The following RADIL variants were observed in gnomAD, a reference collection of about 807,000 sequenced individuals.
The protein encoded by RADIL is Rap associating with DIL domain, also known as ras-associating and dilute domain-containing protein.
A neutral mutation model predicts 97.6 loss-of-function variants in RADIL; 99 were observed. That is an observed-to-expected ratio of 1.01 (90% CI 0.86 to 1.20). The LOEUF (loss-of-function observed/expected upper bound fraction) is 1.20, where lower values mean the gene tolerates loss of function less well. Among genes scored for constraint, RADIL ranks in the 50% most tolerant of loss-of-function variants. RADIL has a pLI of 0.00. For synonymous variants in RADIL, 803 were observed against 691.8 expected (o/e 1.16, Z -2.52); for missense variants, 1,765 against 1,498.9 (o/e 1.18, Z -2.93).
Position 4,835,228 on chromosome 7 carries a change from C to T in RADIL, c.795G>A (p.Val265=), listed in dbSNP as rs1435598877. The change falls in exon 4 of 15, where the codon GTG becomes GTA. Residue 265 remains valine, a synonymous_variant. Transcript: ENST00000399583. This position sits in a 1 kb window ranked among gnomAD's most constrained non-coding sequence, Gnocchi z 5.8. ...TGTGCCGGTCCCGGTTGAGCACATA[C>T]ACCAGGCTGTCCTGAAACAGAGACT... The part of the protein sequence containing the change: ...QGYSQQHDSL[V]YVLNRDRHTV... The T allele has an allele frequency of 6.2e-7, 1 of 1,610,058 alleles. No homozygotes were observed. Among genetic ancestry groups the T allele is most frequent in the Non-Finnish European group, 8.5e-7 (1 of 1,179,878 alleles).
At chr7:4,801,550 G>A (rs1443234293) in intron 12 of RADIL, 103 bp downstream of exon 12, 14 of 1,297,284 alleles carry the variant, frequency 1.1e-5, no homozygotes, top group Non-Finnish European at 1.5e-5. Context: ...GGGCAGGTAA[G>A]GAAACCTAGG....
Position 4,883,192 on chromosome 7 carries a change from C to T in RADIL, c.-65+404G>A, listed in dbSNP as rs1329322905. Among the ~76,000 whole-genome samples the T allele has an allele frequency of 6.6e-6, 1 of 152,114 alleles. No individual in the cohort carries two copies. Among genetic ancestry groups the T allele is most frequent in the Non-Finnish European group, 1.5e-5 (1 of 68,002 alleles). ...CCCCGCTCCCCCGCTGCGCCCCGCT[C>T]CCCCGCTGCGCGCCCCGGACGAAGC... On this transcript the variant is annotated intron_variant, in intron 1 of 14. Transcript: ENST00000399583. This position sits in a 1 kb window ranked among gnomAD's most constrained non-coding sequence, Gnocchi z 7.1.
rs903187128 is a variant in RADIL at position 4,842,731 on chromosome 7, G to A, written c.536-6126C>T. Reference sequence around the variant, plus strand: ...ATAATGATATATACAACTTGGAACCGTTTCTGTCACCCATCCCCACTCGCA... The same window carrying A: ...ATAATGATATATACAACTTGGAACCATTTCTGTCACCCATCCCCACTCGCA... On this transcript the variant is annotated intron_variant, in intron 2 of 14. Coordinates refer to ENST00000399583, the MANE Select transcript of RADIL (RefSeq NM_018059.5). This position sits in a 1 kb window ranked among gnomAD's most constrained non-coding sequence, Gnocchi z 4.5. 1.1e-4 allele frequency among the ~76,000 whole-genome samples: 17 copies of A among 152,114 alleles called. No homozygotes were observed. The highest frequency in any genetic ancestry group is 2.2e-4 in the African/African-American group (9 of 41,410).
chr7:4,875,170 C>T (rs111574013), intron 2 of RADIL, among the ~76,000 whole-genome samples: 5,123 of 130,878 alleles, frequency 0.039, 329 homozygotes, highest in African/African-American at 0.1. Context: ...CCAGCCTGGG[C>T]GACAGAGCGA....
rs1339045802 is a variant in RADIL at position 4,814,568 on chromosome 7, G to C, written c.2139+710C>G. Among the ~76,000 whole-genome samples the C allele has an allele frequency of 1.3e-5, 2 of 152,216 alleles. No individual in the cohort carries two copies. Among genetic ancestry groups the C allele is most frequent in the South Asian group, 4.1e-4 (2 of 4,822 alleles). On this transcript the variant is annotated intron_variant, in intron 9 of 14. Coordinates refer to ENST00000399583, the MANE Select transcript of RADIL (RefSeq NM_018059.5). The surrounding 1 kb of genome is among the most constrained non-coding windows in gnomAD (Gnocchi z 4.5). Reference sequence around the variant, plus strand: ...TGGTGAGTGGCTGACTGTGTTGGGAGGGGGGTGGTGAGCAGCGAGGGAAGC... The same window carrying C: ...TGGTGAGTGGCTGACTGTGTTGGGACGGGGGTGGTGAGCAGCGAGGGAAGC...
chr7:4,832,243 A>C, intron 4 of RADIL, 65 bp from the exon 5 acceptor site: 1 of 1,479,128 alleles, frequency 6.8e-7, no homozygotes, highest in Non-Finnish European at 9.2e-7. Flanking sequence ...ACGCGTTCAA[A>C]TACACGATAC....
chr7:4,866,397 C>T (rs1027490621), intron 2 of RADIL, among the ~76,000 whole-genome samples: 7 of 152,096 alleles, frequency 4.6e-5, no homozygotes, highest in East Asian at 1.9e-4. Flanking sequence ...ACATATCCAG[C>T]GCCTAATCAA....
intron 5 of RADIL, among the ~76,000 whole-genome samples, chr7:4,825,736 C>T (rs977524199): frequency 1.3e-5 from 2 of 151,758 alleles, no homozygotes; most frequent in African/African-American, 4.8e-5. Context: ...ATTAGCTGGG[C>T]GTGGTGGCAT....
At chr7:4,802,727 G>T (rs1482848016) in intron 11 of RADIL, among the ~76,000 whole-genome samples, 2 of 110,098 alleles carry the variant, frequency 1.8e-5, no homozygotes, top group Non-Finnish European at 1.9e-5. Flanking sequence ...GCACCTCGGG[G>T]CACGCTGGCT....
chr7:4,834,590 C>G lies in RADIL; in HGVS notation c.1416+17G>C. 1 of 1,317,842 alleles carries G rather than the reference C, an allele frequency of 7.6e-7. No homozygotes were observed. Among genetic ancestry groups the G allele is most frequent in the Non-Finnish European group, 9.7e-7 (1 of 1,027,140 alleles). 81.6% of individuals were successfully genotyped at this position (1,317,842 alleles called of 1,614,324 possible). ...AGACCGGCACAGGACCCAGACCGCC[C>G]ACCCCAGCACACTGACCCAGACAGT... On this transcript the variant is annotated intron_variant, in intron 4 of 14. Transcript: ENST00000399583. This position sits in a 1 kb window ranked among gnomAD's most constrained non-coding sequence, Gnocchi z 6.0.
chr7:4,862,897 C>CAA (rs11404610), intron 2 of RADIL, among the ~76,000 whole-genome samples: 34 of 144,752 alleles, frequency 2.3e-4, no homozygotes, highest in South Asian at 6.6e-4. Flanking sequence ...AACTCTGTCT[C>CAA]AAAAAAAAAA....
intron 2 of RADIL, among the ~76,000 whole-genome samples, chr7:4,874,124 G>A (rs1400844658): frequency 6.6e-6 from 1 of 152,234 alleles, no homozygotes; most frequent in Admixed American, 6.5e-5. Context: ...GATGTGCACA[G>A]AGGCCGCCTC....
chr7:4,815,170 C>T lies in RADIL; in HGVS notation c.2139+108G>A, dbSNP rs1782644903. ...TTACCTACGGTAGCTTTGAGGTTTCCAGCCAAGAAGCCCCGTCCCGGCCCC... is the reference window on the plus strand; with the variant it reads ...TTACCTACGGTAGCTTTGAGGTTTCTAGCCAAGAAGCCCCGTCCCGGCCCC... On this transcript the variant is annotated intron_variant, in intron 9 of 14. Coordinates refer to ENST00000399583, the MANE Select transcript of RADIL (RefSeq NM_018059.5). The surrounding 1 kb of genome is among the most constrained non-coding windows in gnomAD (Gnocchi z 8.0). 8 of 1,336,864 alleles carry T rather than the reference C, an allele frequency of 6.0e-6. No individual in the cohort carries two copies. The highest frequency in any genetic ancestry group is 7.9e-6 in the Non-Finnish European group (8 of 1,010,172). The allele number at this position is 1,336,864 out of a possible 1,614,324, so 82.8% of individuals were successfully genotyped here.
rs368969739 is a variant in RADIL at position 4,877,999 on chromosome 7, G to T, written c.141C>A (p.Gly47=). The change falls in exon 2 of 15, where the codon GGC becomes GGA. Residue 47 remains glycine (G), a synonymous_variant. Coordinates refer to ENST00000399583, the MANE Select transcript of RADIL (RefSeq NM_018059.5). The part of the protein sequence containing the change: ...RDLDSTFSSL[G]ASDDPAELST... ...AGAGCTCGGCGGGGTCATCGCTGGC[G>T]CCCAGGCTGGAGAAGGTGGAGTCCA... 3.0e-5 allele frequency: 49 copies of T among 1,610,068 alleles called. No homozygotes were observed. The highest frequency in any genetic ancestry group is 4.0e-5 in the Non-Finnish European group (47 of 1,179,138).
chr7:4,861,384 C>T lies in RADIL; in HGVS notation c.535+16221G>A, dbSNP rs1437173907. On this transcript the variant is annotated intron_variant, in intron 2 of 14. Transcript: ENST00000399583. ...TCGACAGCCCTTAAATCTTTCACTT[C>T]CTCCTGTAGTTTCAGTTTAGCATAG... 3 of 1,614,104 alleles carry T rather than the reference C, an allele frequency of 1.9e-6. No homozygotes were observed. In the African/African-American group the frequency reaches 4.0e-5, roughly 22 times the overall value.
At chr7:4,806,202 T>A (rs1463796490) in intron 9 of RADIL, among the ~76,000 whole-genome samples, 1 of 152,224 alleles carries the variant, frequency 6.6e-6, no homozygotes, top group Non-Finnish European at 1.5e-5. Context: ...CAGGTTGGGG[T>A]GCAGTGGCTC....
chr7:4,862,560 G>A (rs1367212892), intron 2 of RADIL, among the ~76,000 whole-genome samples: 1 of 152,170 alleles, frequency 6.6e-6, no homozygotes, highest in African/African-American at 2.4e-5. Context: ...TGTCCCTAGT[G>A]CCCTGTGATC....
In RADIL at chr7:4,835,416, G is replaced by T. The variant is rs1361006922; in HGVS notation, c.784-177C>A. On this transcript the variant is annotated intron_variant, in intron 3 of 14. Coordinates refer to ENST00000399583, the MANE Select transcript of RADIL (RefSeq NM_018059.5). This position sits in a 1 kb window ranked among gnomAD's most constrained non-coding sequence, Gnocchi z 5.8. ...GACGGCTCTCAGGAACCCGCCCCTC[G>T]ATGTCCGGGCCCATCCCAGAGGAGG... Among the ~76,000 whole-genome samples the T allele has an allele frequency of 1.3e-5, 2 of 152,092 alleles. No homozygotes were observed. Among genetic ancestry groups the T allele is most frequent in the African/African-American group, 4.8e-5 (2 of 41,394 alleles).
Position 4,818,322 on chromosome 7 carries a change from G to A in RADIL, c.1616-971C>T, listed in dbSNP as rs1001926979. Among the ~76,000 whole-genome samples the A allele has an allele frequency of 2.0e-5, 3 of 152,190 alleles. No individual in the cohort carries two copies. The highest frequency in any genetic ancestry group is 2.9e-5 in the Non-Finnish European group (2 of 68,022). On this transcript the variant is annotated intron_variant, in intron 6 of 14. Coordinates refer to ENST00000399583, the MANE Select transcript of RADIL (RefSeq NM_018059.5). This position sits in a 1 kb window ranked among gnomAD's most constrained non-coding sequence, Gnocchi z 7.1. The stretch of plus-strand genomic sequence containing the variant: ...GCCCCTCTGCCGGGCAGACTGCACC[G>A]GAGGCCGGCCCACTCATGGCCAGGA...
Sources: allele counts gnomAD v4.1 joint callset (sites outside exome capture counted in the v4.1 genomes callset), GRCh38; gene constraint gnomAD v4.1.1; non-coding constraint Gnocchi (gnomAD v3.1); transcripts MANE v1.5; gene names NCBI Gene and HGNC (gene_info 2026-07-23, HGNC 2026-07-21).